SLC36A2: variants seen among roughly 807,000 people sequenced by gnomAD.
SLC36A2 encodes solute carrier family 36 member 2.
In SLC36A2, 39 loss-of-function variants were observed where a neutral mutation model predicts 42.7. The observed-to-expected ratio is 0.91, with a 90% CI of 0.71 to 1.19. SLC36A2 has a LOEUF of 1.19. SLC36A2 is among the 50% of genes most tolerant of loss of function. The pLI, the probability that SLC36A2 is intolerant of heterozygous loss-of-function variation, is 0.00. For synonymous variants in SLC36A2, 237 were observed against 240.8 expected (o/e 0.98, Z 0.15); for missense variants, 590 against 613.7 (o/e 0.96, Z 0.41).
chr5:151,340,269 A>C (rs1465126965), intron 4 of SLC36A2, among the ~76,000 whole-genome samples: 1 of 150,738 alleles, frequency 6.6e-6, no homozygotes, highest in South Asian at 2.1e-4. Context: ...AGGAGGTGGA[A>C]GAAGAACTAA....
intron 1 of SLC36A2, among the ~76,000 whole-genome samples, chr5:151,346,666 A>G (rs537797446): frequency 6.6e-6 from 1 of 152,298 alleles, no homozygotes; most frequent in South Asian, 2.1e-4. Context: ...TGGTGGGGTC[A>G]GATGTGGGGA....
chr5:151,341,682 C>T lies in SLC36A2; in HGVS notation c.440+1206G>A, dbSNP rs114978893. Among the ~76,000 whole-genome samples the T allele has an allele frequency of 6.1e-3, 922 of 152,232 alleles. 6 individuals are homozygous for T. Among genetic ancestry groups the T allele is most frequent in the African/African-American group, 0.021 (862 of 41,520 alleles). The stretch of plus-strand genomic sequence containing the variant: ...GGGTTCTTAAAGTCTTGGTCTTTTC[C>T]TCTCTTTTCTTCTCACCATATAACC... On this transcript the variant is annotated intron_variant, in intron 4 of 9. Coordinates refer to ENST00000335244, the MANE Select transcript of SLC36A2 (RefSeq NM_181776.3).
At chr5:151,343,707 T>C in intron 2 of SLC36A2, 109 bp from the exon 3 acceptor site, 1 of 988,192 alleles carries the variant, frequency 1.0e-6, no homozygotes, top group Non-Finnish European at 1.6e-6. Flanking sequence ...CTCAAAGAAC[T>C]CTCTAGCAAA....
At chr5:151,330,977 G>T in intron 7 of SLC36A2, among the ~76,000 whole-genome samples, 1 of 152,184 alleles carries the variant, frequency 6.6e-6, no homozygotes, top group East Asian at 1.9e-4. Context: ...CTGGCATAAT[G>T]GTAGACTTAT....
At chr5:151,317,846 A>G (rs1282624615) in intron 9 of SLC36A2, among the ~76,000 whole-genome samples, 1 of 152,224 alleles carries the variant, frequency 6.6e-6, no homozygotes, top group African/African-American at 2.4e-5. Context: ...AACTGACAAT[A>G]GGTAAGATTA....
At chr5:151,335,633 T>G in intron 5 of SLC36A2, 86 bp from the exon 6 acceptor site, 7 of 959,106 alleles carry the variant, frequency 7.3e-6, no homozygotes, top group African/African-American at 1.6e-5. Flanking sequence ...CCTAATCAAA[T>G]TCCCTCACAG....
At position 151,325,368 on chromosome 5, in the gene SLC36A2, A is replaced by G. The variant is rs753324592; in HGVS notation, c.928T>C (p.Tyr310His). The stretch of plus-strand genomic sequence containing the variant: ...TAGCCCAGAGCCGCCATGCCAATGT[A>G]TAGGGAAGTGACGATGGACATTCCC... ...SLGMSIVTSL[Y>H]IGMAALGYLR... The change falls in exon 8 of 10, where the codon TAC becomes CAC. Residue 310 changes from tyrosine (Y) to histidine (H), a missense_variant. Coordinates refer to ENST00000335244, the MANE Select transcript of SLC36A2 (RefSeq NM_181776.3). 4 of 1,614,154 alleles carry G rather than the reference A, an allele frequency of 2.5e-6. No individual in the cohort carries two copies. The highest frequency in any genetic ancestry group is 3.4e-6 in the Non-Finnish European group (4 of 1,179,992).
chr5:151,325,683 C>T (rs246495), intron 7 of SLC36A2, among the ~76,000 whole-genome samples: 98,263 of 152,044 alleles, frequency 0.65, 32,433 homozygotes, highest in East Asian at 0.86. Flanking sequence ...TGCAATGGAA[C>T]GTTATTTAGC....
intron 5 of SLC36A2, 35 bp downstream of exon 5, chr5:151,339,025 T>C (rs1352830499): frequency 6.7e-7 from 1 of 1,499,932 alleles, no homozygotes; most frequent in East Asian, 2.3e-5. Context: ...TCCTTGTCCA[T>C]CTTTTCCCCT....
intron 1 of SLC36A2, among the ~76,000 whole-genome samples, chr5:151,345,872 T>TA (rs1756477372): frequency 6.6e-6 from 1 of 152,154 alleles, no homozygotes; most frequent in Admixed American, 6.5e-5. Flanking sequence ...AGCCAACACT[T>TA]ACAGACACTG....
At chr5:151,319,432 C>A in intron 9 of SLC36A2, 1 of 154,908 alleles carries the variant, frequency 6.5e-6, no homozygotes, top group South Asian at 1.9e-4. Context: ...TTCAGCCAGT[C>A]TCAGGGGATC....
chr5:151,340,962 A>G (rs896201891), intron 4 of SLC36A2, among the ~76,000 whole-genome samples: 2 of 152,230 alleles, frequency 1.3e-5, no homozygotes, highest in African/African-American at 4.8e-5. Context: ...GATGTTGGCT[A>G]CAATGGTAAG....
At chr5:151,347,139 C>G (rs774986195) in intron 1 of SLC36A2, among the ~76,000 whole-genome samples, 158 bp downstream of exon 1, 3 of 152,212 alleles carry the variant, frequency 2.0e-5, no homozygotes, top group African/African-American at 7.2e-5. Context: ...GCCTTTACTT[C>G]TGCCTCAGCT....
At position 151,339,708 on chromosome 5, in the gene SLC36A2, G is replaced by A. The variant is rs190844630; in HGVS notation, c.441-564C>T. 1.2e-4 allele frequency among the ~76,000 whole-genome samples: 19 copies of A among 152,298 alleles called. No homozygotes were observed. The East Asian group carries it at 1.5e-3, about 12-fold the overall frequency. Reference sequence around the variant, plus strand: ...CTGGTTATGAGCCTCTCCCGATACCGGGCTTGGTGGCATTCCTCATCATTG... The same window carrying A: ...CTGGTTATGAGCCTCTCCCGATACCAGGCTTGGTGGCATTCCTCATCATTG... On this transcript the variant is annotated intron_variant, in intron 4 of 9. Coordinates refer to ENST00000335244, the MANE Select transcript of SLC36A2 (RefSeq NM_181776.3).
At chr5:151,336,634 C>T (rs555017701) in intron 5 of SLC36A2, among the ~76,000 whole-genome samples, 9 of 152,096 alleles carry the variant, frequency 5.9e-5, no homozygotes, top group African/African-American at 1.4e-4. Context: ...GCCCTGGACC[C>T]CACCCACTGA....
chr5:151,345,889 G>T (rs1756478076), intron 1 of SLC36A2, among the ~76,000 whole-genome samples: 1 of 152,102 alleles, frequency 6.6e-6, no homozygotes, highest in South Asian at 2.1e-4. Context: ...ACTGTGTCTG[G>T]GGTATTTATG....
chr5:151,334,890 A>G (rs556791209), intron 6 of SLC36A2, among the ~76,000 whole-genome samples: 1 of 152,182 alleles, frequency 6.6e-6, no homozygotes. Flanking sequence ...CTCTCTATGT[A>G]TATCTCTGTG....
At position 151,336,002 on chromosome 5, in the gene SLC36A2, C is replaced by A. The variant is rs1355097404; in HGVS notation, c.526-455G>T. 4.5e-5 allele frequency among the ~76,000 whole-genome samples: 6 copies of A among 134,002 alleles called. No homozygotes were observed. The East Asian group carries it at 1.0e-3, about 23-fold the overall frequency. 87.9% of individuals were successfully genotyped at this position (134,002 alleles called of 152,430 possible). A position where few individuals can be genotyped will look rare whatever the true frequency, so the allele number is the denominator to read the frequency against. ...TGGGCAACAGAGTAAGGCCCTGTAT[C>A]CACAAAAAAAAAAAAAAGTTGTAAA... On this transcript the variant is annotated intron_variant, in intron 5 of 9. Transcript: ENST00000335244.
In SLC36A2 at chr5:151,343,522, C is replaced by T. The variant is rs971616033; in HGVS notation, c.332G>A (p.Arg111His). The change falls in exon 3 of 10, where the codon CGC becomes CAC. Residue 111 changes from arginine to histidine, a missense_variant. Transcript: ENST00000335244. ...CMHILVKCAQ[R>H]FCKRLNKPFM... The stretch of plus-strand genomic sequence containing the variant: ...CTGTTTTCCTCACCTCTTACAGAAG[C>T]GCTGGGCACACTTGACCAGGATGTG... The T allele has an allele frequency of 5.0e-6, 8 of 1,614,010 alleles. No homozygotes were observed. Among genetic ancestry groups the T allele is most frequent in the South Asian group, 2.2e-5 (2 of 91,090 alleles).
Sources: gnomAD v4.1 joint callset for allele counts (sites outside exome capture counted in the v4.1 genomes callset) on GRCh38, gnomAD v4.1.1 for gene constraint, MANE v1.5 for transcripts, NCBI Gene and HGNC (gene_info 2026-07-23, HGNC 2026-07-21) for gene names.